KLF13: variants seen among roughly 807,000 people sequenced by gnomAD.
KLF13 encodes the protein Krueppel-like factor 13.
In KLF13, 8 loss-of-function variants were observed where a neutral mutation model predicts 16.7. That is an observed-to-expected ratio of 0.48 (90% confidence interval 0.28 to 0.87). KLF13 has a LOEUF of 0.87. Among genes scored for constraint, KLF13 ranks in the 40% least tolerant of loss-of-function variants. KLF13 has a pLI of 0.10. For synonymous variants in KLF13, 245 were observed against 208.4 expected (o/e 1.18, Z -1.51); for missense variants, 447 against 452.2 (o/e 0.99, Z 0.10).
intron 1 of KLF13, among the ~76,000 whole-genome samples, chr15:31,365,193 G>A (rs1226765010): frequency 1.3e-5 from 2 of 152,180 alleles, no homozygotes; most frequent in African/African-American, 4.8e-5. Context: ...CTGGGAGCCT[G>A]AGGGCAAGCA....
At position 31,372,433 on chromosome 15, in the gene KLF13, G is replaced by A. The variant is rs959116500; in HGVS notation, c.*134G>A. ...AATTTTTTTCACCTCAGGTGTCAAA[G>A]TAAATTTGTTAAAAAAACAAAAAAA... On this transcript the variant is annotated 3_prime_UTR_variant, in exon 2 of 2. Transcript: ENST00000307145. The A allele has an allele frequency of 8.7e-6, 9 of 1,029,834 alleles. No homozygotes were observed. Among genetic ancestry groups the A allele is most frequent in the Admixed American group, 3.6e-5 (1 of 28,080 alleles). The allele number at this position is 1,029,834 out of a possible 1,614,324, so 63.8% of individuals were successfully genotyped here.
intron 1 of KLF13, among the ~76,000 whole-genome samples, chr15:31,349,426 C>T (rs1234985308): frequency 1.3e-5 from 2 of 152,200 alleles, no homozygotes; most frequent in Non-Finnish European, 1.5e-5. Flanking sequence ...GGTACAGCAG[C>T]GCTGTCTTCG....
At chr15:31,367,818 C>A (rs1035600398) in intron 1 of KLF13, among the ~76,000 whole-genome samples, 1 of 152,076 alleles carries the variant, frequency 6.6e-6, no homozygotes, top group African/African-American at 2.4e-5. Flanking sequence ...ACTGTATGGA[C>A]CCCCCGCATG....
chr15:31,331,559 G>T (rs1457600730), intron 1 of KLF13, among the ~76,000 whole-genome samples: 1 of 152,240 alleles, frequency 6.6e-6, no homozygotes, highest in Non-Finnish European at 1.5e-5. Flanking sequence ...GCATCTGGCA[G>T]AGCAGAGGGC....
intron 1 of KLF13, among the ~76,000 whole-genome samples, chr15:31,332,616 C>A (rs1003559478): frequency 6.6e-6 from 1 of 152,228 alleles, no homozygotes; most frequent in African/African-American, 2.4e-5. Context: ...ATGTCTGGAA[C>A]ACAGCAGAGA....
chr15:31,420,553 C>T (rs1464015935), intron 1 of KLF13: 1 of 515,704 alleles, frequency 1.9e-6, no homozygotes. Flanking sequence ...TAGGAGAACC[C>T]AACATTGATA....
At chr15:31,363,631 C>T (rs138064303) in intron 1 of KLF13, among the ~76,000 whole-genome samples, 60 of 152,268 alleles carry the variant, frequency 3.9e-4, no homozygotes, top group Non-Finnish European at 7.2e-4. Context: ...GGATTACAGG[C>T]GCTCGCCACC....
At chr15:31,342,394 C>T (rs995165758) in intron 1 of KLF13, among the ~76,000 whole-genome samples, 3 of 152,194 alleles carry the variant, frequency 2.0e-5, no homozygotes, top group East Asian at 1.9e-4. Flanking sequence ...CTGGGTGCCC[C>T]GCCTTCCCTC....
intron 2 of KLF13, among the ~76,000 whole-genome samples, chr15:31,394,956 T>C (rs1485748033): frequency 6.6e-6 from 1 of 152,126 alleles, no homozygotes; most frequent in Non-Finnish European, 1.5e-5. Context: ...TGTTGTATCA[T>C]GTGTTAGTAC....
intron 1 of KLF13, among the ~76,000 whole-genome samples, chr15:31,367,520 G>A (rs568095919): frequency 1.3e-5 from 2 of 152,274 alleles, no homozygotes; most frequent in African/African-American, 2.4e-5. Context: ...ATTTCTCTGC[G>A]GCCCCAACAC....
intron 1 of KLF13, among the ~76,000 whole-genome samples, chr15:31,342,232 A>C (rs1178730958): frequency 1.3e-5 from 2 of 151,998 alleles, no homozygotes; most frequent in South Asian, 4.2e-4. Flanking sequence ...GACAGGAGAG[A>C]TTGTGCCTGC....
downstream of KLF13, among the ~76,000 whole-genome samples, chr15:31,404,906 G>C (rs1320484644): frequency 6.6e-6 from 1 of 152,198 alleles, no homozygotes; most frequent in Admixed American, 6.5e-5. Flanking sequence ...TCTTCACTCA[G>C]GGGTATGGAT....
upstream of KLF13, among the ~76,000 whole-genome samples, chr15:31,392,435 C>T (rs1006929045): frequency 1.3e-5 from 2 of 152,180 alleles, no homozygotes; most frequent in African/African-American, 2.4e-5. Flanking sequence ...CAGGCCACGC[C>T]CCTCCTGATG....
chr15:31,392,529 C>CTGGG (rs2039886688), upstream of KLF13, among the ~76,000 whole-genome samples: 2 of 152,238 alleles, frequency 1.3e-5, no homozygotes, highest in South Asian at 4.1e-4. Flanking sequence ...ACGGCGCATC[C>CTGGG]TGGGTCCTCT....
downstream of KLF13, among the ~76,000 whole-genome samples, chr15:31,382,338 G>A (rs937637048): frequency 6.6e-6 from 1 of 152,204 alleles, no homozygotes; most frequent in Non-Finnish European, 1.5e-5. Flanking sequence ...TCCCAACTTA[G>A]GGCTGCAGAG....
intron 1 of KLF13, among the ~76,000 whole-genome samples, chr15:31,332,151 T>C (rs1203422743): frequency 6.6e-6 from 1 of 152,194 alleles, no homozygotes; most frequent in Non-Finnish European, 1.5e-5. Flanking sequence ...GATTGAGACC[T>C]AGTGGTGGTA....
At chr15:31,338,375 G>A (rs938638885) in intron 1 of KLF13, among the ~76,000 whole-genome samples, 2 of 152,166 alleles carry the variant, frequency 1.3e-5, no homozygotes, top group Non-Finnish European at 2.9e-5. Flanking sequence ...TTGTATATGC[G>A]CATGCACACG....
At chr15:31,384,599 A>G (rs1451357283) in intron 1 of KLF13, among the ~76,000 whole-genome samples, 2 of 152,202 alleles carry the variant, frequency 1.3e-5, no homozygotes, top group African/African-American at 4.8e-5. Context: ...TTGTGAGGCT[A>G]AGAGCTTGCC....
intron 2 of KLF13, among the ~76,000 whole-genome samples, chr15:31,397,501 A>T (rs1003542994): frequency 2.6e-5 from 4 of 152,238 alleles, no homozygotes; most frequent in Non-Finnish European, 5.9e-5. Context: ...GTGGCCTGCC[A>T]ACGTTGTCTG....
Sources: gnomAD v4.1 joint callset for allele counts (sites outside exome capture counted in the v4.1 genomes callset) on GRCh38, gnomAD v4.1.1 for gene constraint, MANE v1.5 for transcripts, NCBI Gene and HGNC (gene_info 2026-07-23, HGNC 2026-07-21) for gene names.